MARCHF11: variants seen among roughly 807,000 people sequenced by gnomAD.
MARCHF11 encodes membrane associated ring-CH-type finger 11, also known as E3 ubiquitin-protein ligase MARCHF11.
In MARCHF11, 29 loss-of-function variants were observed where a neutral mutation model predicts 37.3. That is an observed-to-expected ratio of 0.78 (90% CI 0.58 to 1.06). MARCHF11 has a LOEUF of 1.06. MARCHF11 is among the 50% of genes least tolerant of loss of function. The pLI is 0.00. For synonymous variants in MARCHF11, 233 were observed against 228.0 expected, an observed-to-expected ratio of 1.02 and a Z score of -0.20; for missense variants, 482 against 533.4, an observed-to-expected ratio of 0.90 and a Z score of 0.95.
intron 2 of MARCHF11, among the ~76,000 whole-genome samples, chr5:16,141,911 A>G (rs1737714171): frequency 6.6e-6 from 1 of 152,178 alleles, no homozygotes; most frequent in African/African-American, 2.4e-5. Flanking sequence ...GCCTTTAACC[A>G]TCAAGATATT....
At chr5:16,122,938 C>T (rs1737336406) in intron 2 of MARCHF11, among the ~76,000 whole-genome samples, 1 of 152,170 alleles carries the variant, frequency 6.6e-6, no homozygotes, top group African/African-American at 2.4e-5. Context: ...GTTAGTTTCG[C>T]ATGTATTGCC....
intron 2 of MARCHF11, among the ~76,000 whole-genome samples, chr5:16,104,712 GT>G (rs1737009995): frequency 6.6e-6 from 1 of 151,318 alleles, no homozygotes; most frequent in South Asian, 2.1e-4. Flanking sequence ...TTTTTTGTTT[GT>G]TTTTGTTTTG....
rs564491237 is a variant in MARCHF11, at chr5:16,119,752, C to A, written c.694-28671G>T. On this transcript the variant is annotated intron_variant, in intron 2 of 3. Transcript: ENST00000332432. ...ATGTTTACTGATTTGCTGACAATAC[C>A]ATTTAAGAGCCCTCAAATTATTCCT... Among the ~76,000 whole-genome samples, 34 of 152,248 alleles carry A rather than the reference C, an allele frequency of 2.2e-4. No individual in the cohort carries two copies. The South Asian group carries it at 6.6e-3, about 30-fold the overall frequency.
At chr5:16,092,476 T>C (rs1446603058) in intron 2 of MARCHF11, among the ~76,000 whole-genome samples, 1 of 152,208 alleles carries the variant, frequency 6.6e-6, no homozygotes, top group East Asian at 1.9e-4. Flanking sequence ...AAATGGTTTG[T>C]GCTTTTACAA....
At chr5:16,072,572 G>A (rs1283158588) in intron 3 of MARCHF11, among the ~76,000 whole-genome samples, 1 of 151,734 alleles carries the variant, frequency 6.6e-6, no homozygotes, top group East Asian at 1.9e-4. Flanking sequence ...AAGGCCATGT[G>A]AGGACATAAC....
At chr5:16,158,945 T>C (rs1378751071) in intron 2 of MARCHF11, among the ~76,000 whole-genome samples, 1 of 151,838 alleles carries the variant, frequency 6.6e-6, no homozygotes, top group African/African-American at 2.4e-5. Flanking sequence ...TTCTTGAAAA[T>C]TGCTGAGAGT....
intron 2 of MARCHF11, among the ~76,000 whole-genome samples, chr5:16,117,705 A>C (rs947619940): frequency 6.6e-6 from 1 of 152,248 alleles, no homozygotes; most frequent in African/African-American, 2.4e-5. Flanking sequence ...CCTGGGCAAC[A>C]TAGCAAGACC....
At chr5:16,124,811 C>G (rs1187313016) in intron 2 of MARCHF11, among the ~76,000 whole-genome samples, 1 of 147,136 alleles carries the variant, frequency 6.8e-6, no homozygotes, top group African/African-American at 2.4e-5. Flanking sequence ...AAGATAAAAT[C>G]TGAATTTGTA....
At chr5:16,144,694 T>C (rs1474447980) in intron 2 of MARCHF11, among the ~76,000 whole-genome samples, 1 of 152,224 alleles carries the variant, frequency 6.6e-6, no homozygotes, top group Admixed American at 6.5e-5. Flanking sequence ...TATACCAAAA[T>C]GTATTAGCCA....
chr5:16,103,898 T>C (rs1248268817), intron 2 of MARCHF11, among the ~76,000 whole-genome samples: 1 of 152,032 alleles, frequency 6.6e-6, no homozygotes. Context: ...ACTAGGCATG[T>C]AAGCGAAGTT....
At position 16,075,472 on chromosome 5, in the gene MARCHF11, G is replaced by A. The variant is rs1341861279; in HGVS notation, c.887-7679C>T. ...ACTATAATGATTTGCTTCTATGCCT[G>A]TAATCCCTAATCAGCTGTGTGCTCC... On this transcript the variant is annotated intron_variant, in intron 3 of 3. Coordinates refer to ENST00000332432, the MANE Select transcript of MARCHF11 (RefSeq NM_001102562.3). Among the ~76,000 whole-genome samples, 2 of 152,136 alleles carry A rather than the reference G, an allele frequency of 1.3e-5. 1 individual carries two copies. Among genetic ancestry groups the A allele is most frequent in the East Asian group, 3.9e-4 (2 of 5,190 alleles).
At chr5:16,100,457 G>A (rs1347299494) in intron 2 of MARCHF11, among the ~76,000 whole-genome samples, 1 of 152,184 alleles carries the variant, frequency 6.6e-6, no homozygotes, top group African/African-American at 2.4e-5. Context: ...TCCAGGAGGA[G>A]GAAAATTAAT....
chr5:16,083,911 A>G (rs941178021), intron 3 of MARCHF11, among the ~76,000 whole-genome samples: 1 of 152,230 alleles, frequency 6.6e-6, no homozygotes, highest in Non-Finnish European at 1.5e-5. Flanking sequence ...CTGGTTTTAA[A>G]TAGACAAGTA....
chr5:16,107,254 C>T (rs193037674), intron 2 of MARCHF11, among the ~76,000 whole-genome samples: 17 of 152,236 alleles, frequency 1.1e-4, no homozygotes. Flanking sequence ...AGAGTTTTTC[C>T]TCTCCCAAGC....
At chr5:16,127,271 G>T (rs1372090871) in intron 2 of MARCHF11, among the ~76,000 whole-genome samples, 1 of 152,102 alleles carries the variant, frequency 6.6e-6, no homozygotes, top group Non-Finnish European at 1.5e-5. Context: ...AGTCAGGTTG[G>T]TGCAACGTGA....
At chr5:16,158,033 G>A (rs1454870735) in intron 2 of MARCHF11, among the ~76,000 whole-genome samples, 1 of 151,870 alleles carries the variant, frequency 6.6e-6, no homozygotes, top group Non-Finnish European at 1.5e-5. Flanking sequence ...GGCTTAAAGA[G>A]ACATTTCTCA....
rs372000179 is a variant in MARCHF11 at position 16,082,958 on chromosome 5, A to G, written c.886+7931T>C. ...CCACTCCATGGGTGAATGCTGGCTG[A>G]CCTGTCAACTTCCAAAGCTCGGCTA... On this transcript the variant is annotated intron_variant, in intron 3 of 3. Transcript: ENST00000332432. 1.4e-3 allele frequency among the ~76,000 whole-genome samples: 211 copies of G among 152,114 alleles called. No individual in the cohort carries two copies. The South Asian group carries it at 0.017, about 12-fold the overall frequency.
In MARCHF11 at chr5:16,067,543, C is replaced by T; in HGVS notation, c.1137G>A (p.Arg379=). The T allele has an allele frequency of 2.5e-6, 4 of 1,613,934 alleles. No homozygotes were observed. Among genetic ancestry groups the T allele is most frequent in the South Asian group, 2.2e-5 (2 of 91,080 alleles). The part of the protein sequence containing the change: ...CGYVLLHLFN[R]MRPHEDLSED... Reference sequence around the variant, plus strand: ...CTGATAAGTCTTCATGGGGCCTCATCCGATTGAACAGGTGCAATAACACAT... The same window carrying T: ...CTGATAAGTCTTCATGGGGCCTCATTCGATTGAACAGGTGCAATAACACAT... The change falls in exon 4 of 4, where the codon CGG becomes CGA. Residue 379 remains arginine, a synonymous_variant. Coordinates refer to ENST00000332432, the MANE Select transcript of MARCHF11 (RefSeq NM_001102562.3).
intron 3 of MARCHF11, 95 bp from the exon 4 acceptor site, chr5:16,067,888 A>G (rs1457540942): frequency 5.5e-6 from 6 of 1,091,828 alleles, no homozygotes; most frequent in Non-Finnish European, 6.4e-6. Context: ...AAAAATAGTT[A>G]TGTTATTCAT....
Sources: gnomAD v4.1 joint callset for allele counts (sites outside exome capture counted in the v4.1 genomes callset) on GRCh38, gnomAD v4.1.1 for gene constraint, MANE v1.5 for transcripts, NCBI Gene and HGNC (gene_info 2026-07-23, HGNC 2026-07-21) for gene names.